LONP1: variants seen among roughly 807,000 people sequenced by gnomAD.
LONP1 encodes lon peptidase 1, mitochondrial, also known as lon protease homolog, mitochondrial.
Under a neutral mutation model 98.5 loss-of-function variants are expected in LONP1, and 31 were observed. That is an observed-to-expected ratio of 0.31 (90% confidence interval 0.24 to 0.42). LONP1 has a LOEUF of 0.42. Ranked by LOEUF, LONP1 falls within the 20% of genes least tolerant of loss-of-function variation. The pLI is 1.00. For synonymous variants in LONP1, 781 were observed against 594.7 expected (o/e 1.31, Z -4.56); for missense variants, 1,336 against 1,350.6 (o/e 0.99, Z 0.17).
In LONP1 at chr19:5,693,409, C is replaced by T; in HGVS notation, c.2592G>A (p.Leu864=). The change falls in exon 17 of 18, where the codon CTG becomes CTA. Residue 864 remains leucine, a synonymous_variant. Coordinates refer to ENST00000360614, the MANE Select transcript of LONP1 (RefSeq NM_004793.4). ...PSAGCTIVTA[L]LSLAMGRPVR... The stretch of plus-strand genomic sequence containing the variant: ...CAGGCCTGCCCATGGCCAGGGACAG[C>T]AGGGCCGTGACGATGGTGCAGCCTG... The T allele has an allele frequency of 6.2e-7, 1 of 1,612,698 alleles. No homozygotes were observed.
chr19:5,712,591 G>T, intron 3 of LONP1: 3 of 186,066 alleles, frequency 1.6e-5, no homozygotes, highest in Non-Finnish European at 3.4e-5. Flanking sequence ...TTACCTCCTG[G>T]GCTCAAGCAA....
intron 1 of LONP1, among the ~76,000 whole-genome samples, chr19:5,717,834 C>G (rs887446872): frequency 5.3e-5 from 8 of 151,908 alleles, no homozygotes; most frequent in African/African-American, 1.9e-4. Flanking sequence ...CCTGCCTCAG[C>G]CTTCCAAGTA....
intron 15 of LONP1, 120 bp downstream of exon 15, chr19:5,694,267 C>G: frequency 2.2e-6 from 3 of 1,352,064 alleles, no homozygotes; most frequent in South Asian, 1.4e-5. Context: ...CACACCACCC[C>G]CCGCCAGAGG....
chr19:5,705,626 G>T (rs1297097638), intron 8 of LONP1, 146 bp downstream of exon 8: 2 of 645,944 alleles, frequency 3.1e-6, no homozygotes, highest in Non-Finnish European at 2.7e-6. Context: ...CCAGAACAGG[G>T]CTGATACTCG....
At chr19:5,703,105 CGA>C (rs1292551983) in intron 8 of LONP1, among the ~76,000 whole-genome samples, 1 of 149,754 alleles carries the variant, frequency 6.7e-6, no homozygotes, top group Non-Finnish European at 1.5e-5. Context: ...GGCATGAACC[CGA>C]GAGGCGGAGC....
intron 3 of LONP1, 184 bp from the exon 4 acceptor site, chr19:5,712,186 T>C (rs2055250019): frequency 8.6e-6 from 5 of 579,634 alleles, no homozygotes; most frequent in Non-Finnish European, 1.5e-5. Context: ...TCCCAACCAG[T>C]GTCCCCTCCA....
Position 5,720,046 on chromosome 19 carries a change from C to T in LONP1, c.87G>A (p.Gly29=), listed in dbSNP as rs768912945. ...LRRPMLAAAG[G]RVPTAAGAWL... is the part of the protein sequence containing the mutation. ...ACGCTCCTGCTGCAGTGGGAACCCGCCCCCCGGCGGCGGCCAGCATCGGCC... is the reference window on the plus strand; with the variant it reads ...ACGCTCCTGCTGCAGTGGGAACCCGTCCCCCGGCGGCGGCCAGCATCGGCC... Residue 29 remains glycine, a synonymous_variant, in exon 1 of 18, where the codon GGG becomes GGA. Coordinates refer to ENST00000360614, the MANE Select transcript of LONP1 (RefSeq NM_004793.4). 3 of 1,541,202 alleles carry T rather than the reference C, an allele frequency of 1.9e-6. No homozygotes were observed. The highest frequency in any genetic ancestry group is 2.8e-5 in the African/African-American group (2 of 71,030).
In LONP1 at chr19:5,699,111, C is replaced by T. The variant is rs368825521; in HGVS notation, c.1601G>A (p.Arg534His). The T allele has an allele frequency of 1.3e-5, 20 of 1,598,572 alleles. No homozygotes were observed. Among genetic ancestry groups the T allele is most frequent in the South Asian group, 2.2e-5 (2 of 90,088 alleles). ...TCGGTTCAGGGCGCGGGCGATGGAG[C>T]GAGCAATGCTGGTCTTACCCACGCC... is the stretch of plus-strand genomic sequence containing the variant. ...PPGVGKTSIA[R>H]SIARALNREY... The change falls in exon 10 of 18, where the codon CGC becomes CAC. Residue 534 changes from arginine (R) to histidine (H), a missense_variant. Physicochemically the swap from Arg to His is conservative, Grantham distance 29. Coordinates refer to ENST00000360614, the MANE Select transcript of LONP1 (RefSeq NM_004793.4).
upstream of LONP1, chr19:5,720,254 G>A (rs1457553267): frequency 2.3e-6 from 3 of 1,319,214 alleles, no homozygotes; most frequent in South Asian, 1.8e-5. Context: ...CCGCTTCAGG[G>A]AGCTGGGCCT....
At position 5,692,188 on chromosome 19, in the gene LONP1, C is replaced by A. The variant is rs780725290; in HGVS notation, c.2724G>T (p.Thr908=). 3.1e-6 allele frequency: 5 copies of A among 1,613,614 alleles called. No individual in the cohort carries two copies. The highest frequency in any genetic ancestry group is 1.3e-5 in the African/African-American group (1 of 75,056). Residue 908 remains threonine (T), a synonymous_variant, in exon 18 of 18, where the codon ACG becomes ACT. Transcript: ENST00000360614. ...TGTTCTCGGCTGGCAGGACGATGCACGTCACCCCTGCGCGCTTGGCCTGGG... is the reference window on the plus strand; with the variant it reads ...TGTTCTCGGCTGGCAGGACGATGCAAGTCACCCCTGCGCGCTTGGCCTGGG... ...KTIAAKRAGV[T]CIVLPAENKK...
intron 7 of LONP1, 43 bp from the exon 8 acceptor site, chr19:5,706,035 CTGGGTGGG>C (rs1324627863): frequency 2.2e-6 from 3 of 1,333,784 alleles, no homozygotes; most frequent in Non-Finnish European, 2.1e-6. Context: ...CTCCGGGAAG[CTGGGTGGG>C]TGGGTGCGTC....
In LONP1 at chr19:5,693,543, C is replaced by T. The variant is rs769538349; in HGVS notation, c.2538+9G>A. The T allele has an allele frequency of 3.1e-6, 5 of 1,613,680 alleles. No individual in the cohort carries two copies. In the South Asian group the frequency reaches 3.3e-5, roughly 11 times the overall value. ...GGCGGGAGCAGGTGGGAGCGGATGG[C>T]GCGGTCACCTCGGGCACATGCAGGT... On this transcript the variant is annotated intron_variant, in intron 16 of 17. Coordinates refer to ENST00000360614, the MANE Select transcript of LONP1 (RefSeq NM_004793.4).
At chr19:5,699,436 A>G (rs560705835) in intron 9 of LONP1, among the ~76,000 whole-genome samples, 1 of 152,030 alleles carries the variant, frequency 6.6e-6, no homozygotes, top group East Asian at 1.9e-4. Flanking sequence ...GTGCTAGGAG[A>G]CCGCGGCCAC....
Position 5,720,079 on chromosome 19 carries a change from C to T in LONP1, c.54G>A (p.Val18=), listed in dbSNP as rs2055414099. Residue 18 remains valine (V), a synonymous_variant, in exon 1 of 18, where the codon GTG becomes GTA. Coordinates refer to ENST00000360614, the MANE Select transcript of LONP1 (RefSeq NM_004793.4). Reference sequence around the variant, plus strand: ...CGGCGGCCAGCATCGGCCGCCGCAGCACCCAGCACCGCGCCGCTCCCCACA... The same window carrying T: ...CGGCGGCCAGCATCGGCCGCCGCAGTACCCAGCACCGCGCCGCTCCCCACA... ...VRLWGAARCW[V]LRRPMLAAAG... is the part of the protein sequence containing the mutation. 1 of 1,500,702 alleles carries T rather than the reference C, an allele frequency of 6.7e-7. No homozygotes were observed. The highest frequency in any genetic ancestry group is 8.8e-7 in the Non-Finnish European group (1 of 1,134,232). 93.0% of individuals were successfully genotyped at this position (1,500,702 alleles called of 1,614,324 possible). A position where few individuals can be genotyped will look rare whatever the true frequency, so the allele number is the denominator to read the frequency against.
chr19:5,708,402 G>A lies in LONP1; in HGVS notation c.872C>T (p.Ala291Val), dbSNP rs778264088. The A allele has an allele frequency of 6.6e-6, 8 of 1,205,852 alleles. No individual in the cohort carries two copies. The highest frequency in any genetic ancestry group is 4.4e-5 in the Admixed American group (2 of 45,556). The allele number at this position is 1,205,852 out of a possible 1,614,324, so 74.7% of individuals were successfully genotyped here. ...EDFQVTEEVK[A>V]LTAEIVKTIR... ...GGTCTTCACGATCTCTGCAGTCAGG[G>A]CCTGCCAAGTATGGGGCAGGGTCGC... The change falls in exon 5 of 18, where the codon GCC becomes GTC. Residue 291 changes from alanine to valine, a missense_variant and splice_region_variant. Around this residue, in one of 5 missense-constraint regions of LONP1, gnomAD observed 97 missense variants for 139.0 expected, o/e 0.70. Transcript: ENST00000360614.
Position 5,713,211 on chromosome 19 carries a change from G to C in LONP1, c.561C>G (p.His187Gln), listed in dbSNP as rs2055264831. 6.2e-7 allele frequency: 1 copy of C among 1,614,206 alleles called. No homozygotes were observed. Among genetic ancestry groups the C allele is most frequent in the Non-Finnish European group, 8.5e-7 (1 of 1,180,032 alleles). ...CATGGATCTGGGCAAACGTCCCCGT[G>C]TGGTAGATTTCATCCAGGCTCTCGA... ...DVVESLDEIY[H>Q]TGTFAQIHEM... The change falls in exon 3 of 18, where the codon CAC becomes CAG. Residue 187 changes from histidine (H) to glutamine (Q), a missense_variant. This residue lies in a region of LONP1 where 457 missense variants were observed against 403.1 expected (regional missense o/e 1.13). Transcript: ENST00000360614.
intron 10 of LONP1, among the ~76,000 whole-genome samples, chr19:5,698,556 A>G (rs2436511): frequency 0.65 from 98,679 of 152,052 alleles, 32,530 homozygotes; most frequent in Middle Eastern, 0.72. Flanking sequence ...CAGAGGCGCC[A>G]AGGTTTCTCT....
chr19:5,701,073 G>A, intron 8 of LONP1, 146 bp from the exon 9 acceptor site: 1 of 865,086 alleles, frequency 1.2e-6, no homozygotes, highest in South Asian at 1.5e-5. Flanking sequence ...CAGCTCTTTG[G>A]GAGGCCCAGG....
intron 10 of LONP1, among the ~76,000 whole-genome samples, 167 bp downstream of exon 10, chr19:5,698,860 C>G (rs970794957): frequency 1.1e-4 from 17 of 152,240 alleles, no homozygotes; most frequent in Admixed American, 1.1e-3. Flanking sequence ...ATCAGCTGGG[C>G]CTGAAGTCCG....
Sources: gnomAD v4.1 joint callset for allele counts (sites outside exome capture counted in the v4.1 genomes callset) on GRCh38, gnomAD v4.1.1 for gene constraint, gnomAD v4.1.1 regional missense constraint, MANE v1.5 for transcripts, NCBI Gene and HGNC (gene_info 2026-07-23, HGNC 2026-07-21) for gene names.